DPP6: variants seen among roughly 807,000 people sequenced by gnomAD.
The protein encoded by DPP6 is dipeptidyl peptidase like 6.
Under a neutral mutation model 122.6 loss-of-function variants are expected in DPP6, and 69 were observed. The ratio of observed to expected loss-of-function variants is 0.56; its 90% CI spans 0.46 to 0.69. The LOEUF (loss-of-function observed/expected upper bound fraction) is 0.69. DPP6 is among the 30% of genes least tolerant of loss of function. The pLI, the probability that DPP6 is intolerant of heterozygous loss-of-function variation, is 0.00. For missense variants in DPP6, 928 were observed against 1,116.9 expected (o/e 0.83, Z 2.41); for synonymous variants, 418 against 433.1 (o/e 0.97, Z 0.43).
intron 1 of DPP6, among the ~76,000 whole-genome samples, chr7:154,384,742 A>AC: frequency 1.3e-5 from 1 of 75,880 alleles, no homozygotes. Context: ...TCTTTCTTTT[A>AC]TTTTTTTTTG....
intron 1 of DPP6, among the ~76,000 whole-genome samples, chr7:154,102,952 T>C (rs1805858122): frequency 6.6e-6 from 1 of 152,068 alleles, no homozygotes; most frequent in South Asian, 2.1e-4. Flanking sequence ...GAACAGGGTG[T>C]CCTCTGAGGG....
intron 1 of DPP6, among the ~76,000 whole-genome samples, chr7:154,131,262 G>A (rs1180471144): frequency 1.3e-5 from 2 of 152,214 alleles, no homozygotes; most frequent in Non-Finnish European, 2.9e-5. Context: ...GCTCCCAGAA[G>A]GGGTGTGATA....
the DPP6 span, among the ~76,000 whole-genome samples, chr7:153,769,231 C>G: frequency 5.9e-5 from 9 of 152,088 alleles, no homozygotes; most frequent in Admixed American, 5.9e-4. Flanking sequence ...ACTTCCTGTA[C>G]CTTGTTGTTC....
chr7:154,714,424 G>T (rs1325935527), intron 7 of DPP6, among the ~76,000 whole-genome samples: 2 of 152,204 alleles, frequency 1.3e-5, no homozygotes, highest in Non-Finnish European at 2.9e-5. Flanking sequence ...AGACTGGGTA[G>T]TTTATAAAAG....
In DPP6 at chr7:154,875,969, G is replaced by A. The variant is rs1296153031; in HGVS notation, c.1947G>A (p.Met649Ile). Residue 649 changes from methionine to isoleucine, a missense_variant, in exon 20 of 26, where the codon ATG becomes ATA. Met to Ile is a conservative substitution (Grantham distance 10). Transcript: ENST00000377770. The surrounding 1 kb of genome is among the most constrained non-coding windows in gnomAD (Gnocchi z 4.5). ...TCGAGGTGAGCTGGGAGACGGTGAT[G>A]GTGAGCAGCCACGGCGCGGTGGTGG... The part of the protein sequence containing the change: ...EKFEVSWETV[M>I]VSSHGAVVVK... 2 of 1,613,552 alleles carry A rather than the reference G, an allele frequency of 1.2e-6. No homozygotes were observed. The highest frequency in any genetic ancestry group is 1.7e-6 in the Non-Finnish European group (2 of 1,179,746).
At chr7:154,066,729 T>C (rs189912607) in intron 1 of DPP6, among the ~76,000 whole-genome samples, 1,861 of 151,946 alleles carry the variant, frequency 0.012, 19 homozygotes, top group Middle Eastern at 0.024. Context: ...ATAAAGATTT[T>C]ATTCATTCAT....
chr7:154,692,584 G>C (rs1004506464), intron 7 of DPP6, among the ~76,000 whole-genome samples: 1 of 152,108 alleles, frequency 6.6e-6, no homozygotes, highest in Admixed American at 6.6e-5. Flanking sequence ...AAGCAACAAG[G>C]TGTTGCGGGG....
the DPP6 span, among the ~76,000 whole-genome samples, chr7:153,814,412 A>G: frequency 4.6e-4 from 70 of 152,268 alleles, no homozygotes; most frequent in Non-Finnish European, 9.1e-4. Flanking sequence ...AACCAGGAAG[A>G]AGTTGACTCT....
intron 1 of DPP6, among the ~76,000 whole-genome samples, chr7:154,298,766 A>G (rs1199664050): frequency 6.6e-6 from 1 of 152,068 alleles, no homozygotes; most frequent in Non-Finnish European, 1.5e-5. Context: ...CTCTTGGTTT[A>G]TACTCCCAAG....
chr7:154,636,537 C>T lies in DPP6; in HGVS notation c.628-1284C>T, dbSNP rs149201373. Among the ~76,000 whole-genome samples, 19 of 152,338 alleles carry T rather than the reference C, an allele frequency of 1.2e-4. No individual in the cohort carries two copies. In the East Asian group the frequency reaches 3.7e-3, roughly 29 times the overall value. ...AGTGGCTGTTTCTTTATGACTAAAG[C>T]AGCACTTTCCCATCTGCTGCCCTCA... On this transcript the variant is annotated intron_variant, in intron 5 of 25. Coordinates refer to ENST00000377770, the MANE Select transcript of DPP6 (RefSeq NM_130797.4).
chr7:154,641,346 C>G (rs1418220161), intron 6 of DPP6, among the ~76,000 whole-genome samples: 7 of 152,152 alleles, frequency 4.6e-5, no homozygotes, highest in African/African-American at 1.7e-4. Context: ...TACAACAAAT[C>G]TATATTTTAG....
intron 1 of DPP6, among the ~76,000 whole-genome samples, chr7:154,102,491 G>A (rs1805818182): frequency 6.6e-6 from 1 of 152,058 alleles, no homozygotes; most frequent in Admixed American, 6.6e-5. Context: ...GCCCAGCCAA[G>A]CCCCTTTTTA....
At position 154,153,424 on chromosome 7, in the gene DPP6, C is replaced by T. The variant is rs191030356; in HGVS notation, c.243+100361C>T. Among the ~76,000 whole-genome samples, 392 of 152,284 alleles carry T rather than the reference C, an allele frequency of 2.6e-3. 1 individual carries two copies. The highest frequency in any genetic ancestry group is 8.9e-3 in the African/African-American group (372 of 41,578). ...CTGGTCTCAAACTCCTGATCTCAGG[C>T]GATCTGCCCACCTCGGCCTCCCAAT... On this transcript the variant is annotated intron_variant, in intron 1 of 25. Transcript: ENST00000377770.
chr7:154,365,797 A>G (rs1812116235), intron 1 of DPP6, among the ~76,000 whole-genome samples: 1 of 152,074 alleles, frequency 6.6e-6, no homozygotes, highest in Non-Finnish European at 1.5e-5. Context: ...TCTCTACTAA[A>G]AATACCAAAA....
intron 1 of DPP6, among the ~76,000 whole-genome samples, chr7:154,201,717 C>A (rs1416688609): frequency 2.0e-5 from 3 of 152,092 alleles, no homozygotes; most frequent in Non-Finnish European, 4.4e-5. Flanking sequence ...CCAAGAATAG[C>A]AGTTAGTAAA....
At chr7:153,958,367 A>G (rs1251575610) in intron 1 of DPP6, among the ~76,000 whole-genome samples, 3 of 152,102 alleles carry the variant, frequency 2.0e-5, no homozygotes, top group Non-Finnish European at 4.4e-5. Flanking sequence ...CCGAGCAGGT[A>G]GAGAACAGGG....
chr7:154,826,566 G>T (rs901523217), intron 16 of DPP6, among the ~76,000 whole-genome samples: 1 of 152,104 alleles, frequency 6.6e-6, no homozygotes, highest in African/African-American at 2.4e-5. Flanking sequence ...AAATCGAGAG[G>T]GTTTCTATGT....
intron 1 of DPP6, among the ~76,000 whole-genome samples, chr7:154,248,798 G>A (rs1391285506): frequency 5.9e-5 from 9 of 151,970 alleles, no homozygotes; most frequent in Non-Finnish European, 1.2e-4. Context: ...CCCAGGAGAC[G>A]GAGGTTGCAG....
At chr7:154,065,245 G>C (rs1290172159) in intron 1 of DPP6, among the ~76,000 whole-genome samples, 1 of 150,876 alleles carries the variant, frequency 6.6e-6, no homozygotes, top group East Asian at 2.0e-4. Context: ...AAATAGACCG[G>C]AAGAAGGGGC....
Sources: allele counts gnomAD v4.1 joint callset (sites outside exome capture counted in the v4.1 genomes callset), GRCh38; gene constraint gnomAD v4.1.1; non-coding constraint Gnocchi (gnomAD v3.1); transcripts MANE v1.5; gene names NCBI Gene and HGNC (gene_info 2026-07-23, HGNC 2026-07-21).